Variants in OTOP1 observed in about 807,000 individuals in gnomAD.
OTOP1 encodes proton channel OTOP1.
OTOP1 carries 59 observed loss-of-function variants against 52.9 expected under a neutral mutation model. That is an observed-to-expected ratio of 1.12 (90% CI 0.91 to 1.39). The LOEUF (loss-of-function observed/expected upper bound fraction) is 1.39, where lower values mean the gene tolerates loss of function less well. Ranked by LOEUF, OTOP1 falls within the 40% of genes most tolerant of loss-of-function variation. OTOP1 has a pLI of 0.00. For synonymous variants in OTOP1, 317 were observed against 337.7 expected, an observed-to-expected ratio of 0.94 and a Z score of 0.67; for missense variants, 761 against 800.9, an observed-to-expected ratio of 0.95 and a Z score of 0.60.
At chr4:4,204,732 G>C (rs1449433427) in intron 3 of OTOP1, among the ~76,000 whole-genome samples, 1 of 149,416 alleles carries the variant, frequency 6.7e-6, no homozygotes, top group South Asian at 2.1e-4. Context: ...GTGTGTGTGT[G>C]TGTGTGTGTG....
intron 1 of OTOP1, among the ~76,000 whole-genome samples, chr4:4,215,430 G>C (rs1717119990): frequency 6.6e-6 from 1 of 152,206 alleles, no homozygotes; most frequent in African/African-American, 2.4e-5. Flanking sequence ...GGGATGCTGA[G>C]GCGGGTGGAT....
At chr4:4,214,287 A>G (rs1169191874) in intron 1 of OTOP1, among the ~76,000 whole-genome samples, 2 of 152,204 alleles carry the variant, frequency 1.3e-5, no homozygotes, top group Non-Finnish European at 2.9e-5. Flanking sequence ...ATCAAAAAAA[A>G]AGAAAGAAAA....
chr4:4,204,963 G>C (rs12650721), intron 3 of OTOP1, among the ~76,000 whole-genome samples: 1 of 152,034 alleles, frequency 6.6e-6, no homozygotes, highest in Admixed American at 6.5e-5. Flanking sequence ...TAGTAGAGAC[G>C]GGGTTTCACC....
chr4:4,210,532 T>C (rs1187627327), intron 2 of OTOP1, among the ~76,000 whole-genome samples: 1 of 152,170 alleles, frequency 6.6e-6, no homozygotes, highest in Non-Finnish European at 1.5e-5. Context: ...TCTCTCCTCT[T>C]CTTATAAAGA....
rs925869752 is a variant in OTOP1 at position 4,198,894 on chromosome 4, C to A, written c.731-791G>T. Reference sequence around the variant, plus strand: ...AAAGGGACAAATAAAAAAATGTAATCAAAGAGTCAGGTAAGGCCAGGAGCG... The same window carrying A: ...AAAGGGACAAATAAAAAAATGTAATAAAAGAGTCAGGTAAGGCCAGGAGCG... On this transcript the variant is annotated intron_variant, in intron 4 of 5. Transcript: ENST00000296358. 4.6e-5 allele frequency among the ~76,000 whole-genome samples: 7 copies of A among 152,272 alleles called. 1 individual carries two copies. The highest frequency in any genetic ancestry group is 1.4e-4 in the African/African-American group (6 of 41,560).
intron 1 of OTOP1, among the ~76,000 whole-genome samples, chr4:4,219,837 A>ATG: frequency 1.9e-5 from 1 of 52,286 alleles, no homozygotes; most frequent in South Asian, 9.8e-4. Flanking sequence ...ATGTGTATAC[A>ATG]TATATATACA....
At chr4:4,200,349 C>G (rs1334621716) in intron 4 of OTOP1, among the ~76,000 whole-genome samples, 1 of 151,978 alleles carries the variant, frequency 6.6e-6, no homozygotes, top group Admixed American at 6.6e-5. Flanking sequence ...GTGGCAGGTG[C>G]CTGTAGTCCC....
At chr4:4,210,903 C>T (rs756789187) in intron 2 of OTOP1, among the ~76,000 whole-genome samples, 25 of 152,162 alleles carry the variant, frequency 1.6e-4, no homozygotes, top group Non-Finnish European at 3.4e-4. Flanking sequence ...ACCTCAATTT[C>T]CTCTAAACGA....
At position 4,198,008 on chromosome 4, in the gene OTOP1, C is replaced by T; in HGVS notation, c.826G>A (p.Glu276Lys). Reference sequence around the variant, plus strand: ...ATTGTGGAGGCCAGGATCTGATACTCTATGTTGAAGGGGTAGAGGTAGTAG... The same window carrying T: ...ATTGTGGAGGCCAGGATCTGATACTTTATGTTGAAGGGGTAGAGGTAGTAG... ...GIYYLYPFNI[E>K]YQILASTMLY... Residue 276 changes from glutamate to lysine, a missense_variant, in exon 5 of 6, where the codon GAG (glutamate) becomes AAG (lysine). Transcript: ENST00000296358. 2 of 1,614,004 alleles carry T rather than the reference C, an allele frequency of 1.2e-6. No homozygotes were observed. Among genetic ancestry groups the T allele is most frequent in the Non-Finnish European group, 1.7e-6 (2 of 1,179,986 alleles).
At chr4:4,192,647 G>C (rs1447172898) in intron 5 of OTOP1, among the ~76,000 whole-genome samples, 1 of 152,120 alleles carries the variant, frequency 6.6e-6, no homozygotes, top group East Asian at 1.9e-4. Flanking sequence ...CCCTCCTCCA[G>C]GGTCCTCCAT....
chr4:4,194,009 G>A (rs2108795572), intron 5 of OTOP1, among the ~76,000 whole-genome samples: 1 of 152,272 alleles, frequency 6.6e-6, no homozygotes, highest in Non-Finnish European at 1.5e-5. Context: ...CCAACCTAGT[G>A]AAACCCTGTC....
Position 4,226,883 on chromosome 4 carries a change from A to G in OTOP1, c.-19T>C. The G allele has an allele frequency of 2.3e-6, 3 of 1,313,008 alleles. No homozygotes were observed. Among genetic ancestry groups the G allele is most frequent in the Non-Finnish European group, 2.9e-6 (3 of 1,034,566 alleles). The allele number at this position is 1,313,008 out of a possible 1,614,324, so 81.3% of individuals were successfully genotyped here. On this transcript the variant is annotated 5_prime_UTR_variant, in exon 1 of 6. Transcript: ENST00000296358. ...CGAGCATCTTCGAGACACCCGCGCC[A>G]AGTCTGGTCCCGGGGGTGGCTGCCG...
rs1055216962 is a variant in OTOP1, at chr4:4,226,459, C to T, written c.403+3G>A. The T allele has an allele frequency of 6.8e-6, 10 of 1,460,656 alleles. No individual in the cohort carries two copies. Among genetic ancestry groups the T allele is most frequent in the African/African-American group, 2.9e-5 (2 of 68,636 alleles). The allele number at this position is 1,460,656 out of a possible 1,614,324, so 90.5% of individuals were successfully genotyped here. A position where few individuals can be genotyped will look rare whatever the true frequency, so the allele number is the denominator to read the frequency against. On this transcript the variant is annotated splice_donor_region_variant and intron_variant, in intron 1 of 5. Transcript: ENST00000296358. ...GACCCGCTCGCCCGGCGCCTGGACT[C>T]ACCGCGCAGCCAGCCGGCACCCGCG...
chr4:4,219,686 G>C (rs1236907434), intron 1 of OTOP1, among the ~76,000 whole-genome samples: 1 of 128,878 alleles, frequency 7.8e-6, no homozygotes, highest in African/African-American at 2.6e-5. Context: ...GACAGAGCGA[G>C]ACTCTGTCTC....
intron 5 of OTOP1, 72 bp downstream of exon 5, chr4:4,197,094 G>T: frequency 6.9e-7 from 1 of 1,439,322 alleles, no homozygotes; most frequent in East Asian, 2.3e-5. Flanking sequence ...AAATCTGCAT[G>T]TGTACCCCTT....
intron 5 of OTOP1, among the ~76,000 whole-genome samples, chr4:4,195,403 C>A (rs1450747155): frequency 6.6e-6 from 1 of 152,226 alleles, no homozygotes; most frequent in East Asian, 1.9e-4. Context: ...CACCTTCCAT[C>A]AGAGAGGCTG....
chr4:4,220,105 ATT>A (rs1183792130), intron 1 of OTOP1, among the ~76,000 whole-genome samples: 926 of 59,332 alleles, frequency 0.016, 14 homozygotes, highest in Middle Eastern at 0.062. Flanking sequence ...ATATATATAT[ATT>A]TTTTTTTTTT....
At chr4:4,223,397 G>A (rs374962569) in intron 1 of OTOP1, among the ~76,000 whole-genome samples, 1 of 133,208 alleles carries the variant, frequency 7.5e-6, no homozygotes, top group Non-Finnish European at 1.6e-5. Context: ...ATGGATGGAT[G>A]GATGGACGGA....
At chr4:4,215,449 G>A (rs1577183075) in intron 1 of OTOP1, among the ~76,000 whole-genome samples, 1 of 152,150 alleles carries the variant, frequency 6.6e-6, no homozygotes, top group East Asian at 1.9e-4. Context: ...ATCACCTGAG[G>A]TTGGGAGTTC....
Sources: gnomAD v4.1 joint callset for allele counts (sites outside exome capture counted in the v4.1 genomes callset) on GRCh38, gnomAD v4.1.1 for gene constraint, MANE v1.5 for transcripts, NCBI Gene and HGNC (gene_info 2026-07-23, HGNC 2026-07-21) for gene names.